ARID1B: variants seen among roughly 807,000 people sequenced by gnomAD.
ARID1B encodes the protein AT-rich interaction domain 1B.
ARID1B carries 30 observed loss-of-function variants against 212.3 expected under a neutral mutation model. That is an observed-to-expected ratio of 0.14 (90% CI 0.11 to 0.19). ARID1B has a LOEUF of 0.19. Among genes scored for constraint, ARID1B ranks in the 10% least tolerant of loss-of-function variants. The pLI is 1.00. For synonymous variants in ARID1B, 1,402 were observed against 1,301.7 expected (o/e 1.08, Z -1.66); for missense variants, 2,891 against 3,204.0 (o/e 0.90, Z 2.36).
intron 7 of ARID1B, among the ~76,000 whole-genome samples, chr6:157,134,715 G>A (rs555680354): frequency 2.2e-4 from 34 of 152,288 alleles, no homozygotes; most frequent in East Asian, 7.7e-4. Flanking sequence ...GGTGGGTGTC[G>A]TCAAAGCCAG....
intron 8 of ARID1B, among the ~76,000 whole-genome samples, chr6:157,157,529 G>A (rs1199250815): frequency 3.3e-5 from 5 of 152,200 alleles, no homozygotes; most frequent in Admixed American, 2.6e-4. Context: ...GCTGAAGGCA[G>A]CAGGAAGTTT....
chr6:156,812,444 CATTTA>C (rs1781616463), intron 1 of ARID1B, among the ~76,000 whole-genome samples: 1 of 151,972 alleles, frequency 6.6e-6, no homozygotes, highest in Admixed American at 6.6e-5. Flanking sequence ...AGGACAGTGG[CATTTA>C]TAAGCCTCTG....
In ARID1B at chr6:157,184,257, G is replaced by A. The variant is rs1352421780; in HGVS notation, c.3741G>A (p.Glu1247=). The A allele has an allele frequency of 6.2e-7, 1 of 1,611,626 alleles. No homozygotes were observed. The highest frequency in any genetic ancestry group is 8.5e-7 in the Non-Finnish European group (1 of 1,178,042). Residue 1247 remains glutamate, a synonymous_variant, in exon 13 of 20, where the codon GAG becomes GAA. Transcript: ENST00000636930. Reference sequence around the variant, plus strand: ...TTAATAAAAACAAGAAGTGGCGTGAGCTGGCAACCAACCTAAACGTTGGCA... The same window carrying A: ...TTAATAAAAACAAGAAGTGGCGTGAACTGGCAACCAACCTAAACGTTGGCA... ...AQVNKNKKWR[E]LATNLNVGTS...
At position 157,026,798 on chromosome 6, in the gene ARID1B, G is replaced by A. The variant is rs559659186; in HGVS notation, c.2248-57864G>A. ...CTTTATTAGCCAGGATTACAGATGC[G>A]TGCCACTGCGCCTGGCTATTAGAAG... is the stretch of plus-strand genomic sequence containing the variant. On this transcript the variant is annotated intron_variant, in intron 4 of 19. Coordinates refer to ENST00000636930, the MANE Select transcript of ARID1B (RefSeq NM_001374828.1). Among the ~76,000 whole-genome samples, 74 of 152,292 alleles carry A rather than the reference G, an allele frequency of 4.9e-4. 3 individuals carry two copies. In the South Asian group the frequency reaches 0.014, roughly 29 times the overall value.
At chr6:157,097,261 A>G (rs1385690109) in intron 5 of ARID1B, among the ~76,000 whole-genome samples, 1 of 152,232 alleles carries the variant, frequency 6.6e-6, no homozygotes, top group East Asian at 1.9e-4. Context: ...GAGAATTTAT[A>G]GAAACCATGC....
At chr6:156,818,962 A>G (rs1395473906) in intron 1 of ARID1B, among the ~76,000 whole-genome samples, 1 of 151,974 alleles carries the variant, frequency 6.6e-6, no homozygotes, top group African/African-American at 2.4e-5. Flanking sequence ...AAAACCTGTT[A>G]TGTACCAAGA....
At chr6:156,787,741 T>G (rs1779740445) in intron 1 of ARID1B, among the ~76,000 whole-genome samples, 3 of 152,112 alleles carry the variant, frequency 2.0e-5, no homozygotes, top group Admixed American at 2.0e-4. Flanking sequence ...ACTGGCATGT[T>G]TGCTGTGTAT....
At position 156,904,355 on chromosome 6, in the gene ARID1B, A is replaced by G. The variant is rs139927535; in HGVS notation, c.2136+2830A>G. 2.8e-4 allele frequency among the ~76,000 whole-genome samples: 42 copies of G among 152,312 alleles called. No individual in the cohort carries two copies. In the East Asian group the frequency reaches 8.1e-3, roughly 29 times the overall value. On this transcript the variant is annotated intron_variant, in intron 3 of 19. Transcript: ENST00000636930. ...CATTTTTATAGCTTCATTACATTTT[A>G]TGGACATACCATGATATATTTAACC...
At chr6:157,154,882 G>C (rs1156657047) in intron 8 of ARID1B, among the ~76,000 whole-genome samples, 2 of 151,986 alleles carry the variant, frequency 1.3e-5, no homozygotes, top group Non-Finnish European at 2.9e-5. Flanking sequence ...CGCCCGGCCT[G>C]TTGCTCTTCT....
At chr6:157,097,176 A>G (rs1343151283) in intron 5 of ARID1B, among the ~76,000 whole-genome samples, 3 of 152,228 alleles carry the variant, frequency 2.0e-5, no homozygotes, top group Non-Finnish European at 4.4e-5. Context: ...CACAAATGCA[A>G]TGAAATTTTA....
At chr6:156,801,308 C>G (rs1258488735) in intron 1 of ARID1B, among the ~76,000 whole-genome samples, 2 of 147,494 alleles carry the variant, frequency 1.4e-5, no homozygotes, top group Non-Finnish European at 3.0e-5. Context: ...TCAAGCAATT[C>G]TCTGCCTCAG....
chr6:156,826,051 CAA>C (rs1366412419), intron 1 of ARID1B, among the ~76,000 whole-genome samples: 1 of 152,178 alleles, frequency 6.6e-6, no homozygotes, highest in African/African-American at 2.4e-5. Context: ...TTTGGGCAAA[CAA>C]ATGTACTGTC....
intron 1 of ARID1B, among the ~76,000 whole-genome samples, chr6:156,801,232 G>A (rs974465247): frequency 3.0e-5 from 4 of 134,832 alleles, no homozygotes; most frequent in African/African-American, 8.6e-5. Context: ...GCGGAGTCTC[G>A]CTCTGTTGCC....
At chr6:157,123,243 C>T (rs1441968034) in intron 6 of ARID1B, among the ~76,000 whole-genome samples, 36 of 117,442 alleles carry the variant, frequency 3.1e-4, no homozygotes, top group African/African-American at 6.9e-4. Context: ...CCCCCGCCCC[C>T]CCCCCACACA....
At chr6:157,021,351 G>A (rs1780237659) in intron 4 of ARID1B, among the ~76,000 whole-genome samples, 1 of 152,250 alleles carries the variant, frequency 6.6e-6, no homozygotes, top group Non-Finnish European at 1.5e-5. Flanking sequence ...TCCCCCGGGA[G>A]TGGGACCACC....
At chr6:156,892,733 A>G (rs1788037688) in intron 2 of ARID1B, among the ~76,000 whole-genome samples, 1 of 152,156 alleles carries the variant, frequency 6.6e-6, no homozygotes, top group South Asian at 2.1e-4. Flanking sequence ...TGTCACAATA[A>G]GTTGATTTTG....
chr6:157,111,735 GA>G (rs1786937366), intron 6 of ARID1B, among the ~76,000 whole-genome samples: 1 of 152,134 alleles, frequency 6.6e-6, no homozygotes, highest in Non-Finnish European at 1.5e-5. Flanking sequence ...GAATGTTTCA[GA>G]GGGATAAAAT....
chr6:156,823,691 T>TC (rs1399791569), intron 1 of ARID1B, among the ~76,000 whole-genome samples: 1 of 102,352 alleles, frequency 9.8e-6, no homozygotes, highest in Non-Finnish European at 2.4e-5. Context: ...CTTTGTTGTT[T>TC]TTTTTTTTTT....
intron 4 of ARID1B, among the ~76,000 whole-genome samples, chr6:157,051,546 C>T (rs146416958): frequency 5.3e-5 from 8 of 152,060 alleles, no homozygotes; most frequent in Non-Finnish European, 8.8e-5. Flanking sequence ...TAAATTCACT[C>T]TGTACTTTAG....
Sources: allele counts gnomAD v4.1 joint callset (sites outside exome capture counted in the v4.1 genomes callset), GRCh38; gene constraint gnomAD v4.1.1; transcripts MANE v1.5; gene names NCBI Gene and HGNC (gene_info 2026-07-23, HGNC 2026-07-21).